HYDIN: variants seen among roughly 807,000 people sequenced by gnomAD.
HYDIN encodes the protein axonemal central pair apparatus protein HYDIN.
HYDIN carries 132 observed loss-of-function variants against 403.9 expected under a neutral mutation model. That is an observed-to-expected ratio of 0.33 (90% CI 0.28 to 0.38). HYDIN has a LOEUF of 0.38. HYDIN is among the 10% of genes least tolerant of loss of function. The pLI, the probability that HYDIN is intolerant of heterozygous loss-of-function variation, is 1.00. For synonymous variants in HYDIN, 1,202 were observed against 1,891.7 expected, an observed-to-expected ratio of 0.64 and a Z score of 9.46; for missense variants, 2,827 against 5,009.5, an observed-to-expected ratio of 0.56 and a Z score of 13.15.
intron 7 of HYDIN, among the ~76,000 whole-genome samples, chr16:71,145,470 G>A (rs1698304701): frequency 6.6e-6 from 1 of 152,100 alleles, no homozygotes; most frequent in Admixed American, 6.5e-5. Flanking sequence ...GGCCAGGATG[G>A]TCTCGATCTT....
intron 1 of HYDIN, among the ~76,000 whole-genome samples, chr16:71,196,982 C>T (rs1391088260): frequency 6.6e-6 from 1 of 152,142 alleles, no homozygotes; most frequent in Non-Finnish European, 1.5e-5. Context: ...TATGGGGTAG[C>T]CATTCTTTAT....
chr16:71,028,672 C>A (rs1353022296), intron 19 of HYDIN, among the ~76,000 whole-genome samples: 1 of 151,436 alleles, frequency 6.6e-6, no homozygotes, highest in Admixed American at 6.6e-5. Context: ...GAGATTTCAT[C>A]CCATCTGTTC....
At chr16:70,936,900 G>A (rs1597366155) in intron 44 of HYDIN, among the ~76,000 whole-genome samples, 1 of 151,588 alleles carries the variant, frequency 6.6e-6, no homozygotes, top group Admixed American at 6.6e-5. Context: ...TCCGAAAGCC[G>A]TGTTCCCCTC....
intron 1 of HYDIN, among the ~76,000 whole-genome samples, chr16:71,210,466 G>A (rs1373832052): frequency 6.6e-6 from 1 of 151,944 alleles, no homozygotes; most frequent in African/African-American, 2.4e-5. Context: ...AGAACACATG[G>A]ACAGAAAGAG....
intron 23 of HYDIN, among the ~76,000 whole-genome samples, chr16:71,012,653 T>C (rs1162719604): frequency 2.0e-5 from 3 of 152,286 alleles, no homozygotes; most frequent in Middle Eastern, 6.8e-3. Flanking sequence ...CTCAGACCTA[T>C]CTAATAAAAG....
At chr16:71,033,126 AAC>A (rs1342228209) in intron 18 of HYDIN, among the ~76,000 whole-genome samples, 6 of 151,592 alleles carry the variant, frequency 4.0e-5, no homozygotes, top group Non-Finnish European at 5.9e-5. Context: ...GAAATACATA[AAC>A]ACCCCGAGGA....
chr16:70,808,476 A>G (rs531617328), intron 85 of HYDIN, among the ~76,000 whole-genome samples: 11 of 152,242 alleles, frequency 7.2e-5, no homozygotes, highest in African/African-American at 2.6e-4. Flanking sequence ...AGAGCCTTTC[A>G]TTGCCAATTT....
At chr16:71,211,872 A>T (rs1296923417) in intron 1 of HYDIN, among the ~76,000 whole-genome samples, 1 of 152,198 alleles carries the variant, frequency 6.6e-6, no homozygotes, top group Non-Finnish European at 1.5e-5. Context: ...GATTACAAAA[A>T]AACCATGATT....
chr16:70,954,531 C>T (rs796308599), intron 40 of HYDIN, among the ~76,000 whole-genome samples: 1 of 151,830 alleles, frequency 6.6e-6, no homozygotes, highest in East Asian at 1.9e-4. Context: ...TTTTCTTCTC[C>T]AGCAAACTTT....
chr16:71,185,288 G>A (rs1356534626), intron 2 of HYDIN, among the ~76,000 whole-genome samples: 2 of 152,146 alleles, frequency 1.3e-5, no homozygotes, highest in East Asian at 1.9e-4. Context: ...ACAGGAACAT[G>A]TCCAAAGAGC....
rs1261041308 is a variant in HYDIN, at chr16:70,809,997, G to A, written c.14669C>T (p.Ser4890Leu). ...AGCTTTCAGGGGCTGAAATTCAAAT[G>A]AGAACGTGCCCTGGAAGAGAAAACA... ...VVPANSEGTF[S>L]FEFQPLKAGE... Residue 4890 changes from serine to leucine, a missense_variant, in exon 85 of 86, where the codon TCA becomes TTA. By Grantham distance (145) the Ser-to-Leu change is moderately radical (BLOSUM62 -2). Transcript: ENST00000393567. 4.3e-6 allele frequency: 7 copies of A among 1,614,136 alleles called. No homozygotes were observed. The highest frequency in any genetic ancestry group is 1.7e-5 in the Admixed American group (1 of 60,026).
chr16:71,035,707 G>A (rs1015391688), intron 18 of HYDIN, among the ~76,000 whole-genome samples: 1 of 152,154 alleles, frequency 6.6e-6, no homozygotes, highest in Non-Finnish European at 1.5e-5. Flanking sequence ...TACAACAGAA[G>A]CTTATTTTGG....
chr16:71,102,715 A>G (rs1034899800), intron 10 of HYDIN, among the ~76,000 whole-genome samples: 17 of 151,456 alleles, frequency 1.1e-4, no homozygotes, highest in African/African-American at 4.1e-4. Flanking sequence ...TCTTCCCACA[A>G]TTTCCCTGAT....
chr16:70,997,189 G>A (rs1413817650), intron 23 of HYDIN, among the ~76,000 whole-genome samples: 3 of 144,208 alleles, frequency 2.1e-5, no homozygotes, highest in African/African-American at 2.6e-5. Context: ...GTAGTAATGC[G>A]AGTGGTGGGG....
At chr16:71,193,723 T>C (rs767884916) in intron 1 of HYDIN, among the ~76,000 whole-genome samples, 3 of 152,228 alleles carry the variant, frequency 2.0e-5, no homozygotes, top group Non-Finnish European at 2.9e-5. Flanking sequence ...TTCCAGATGC[T>C]GCAGGGACGT....
rs2087274062 is a variant in HYDIN at position 71,188,667 on chromosome 16, C to T, written c.-23-1749G>A. Among the ~76,000 whole-genome samples, 4 of 152,190 alleles carry T rather than the reference C, an allele frequency of 2.6e-5. No individual in the cohort carries two copies. The South Asian group carries it at 6.2e-4, about 24-fold the overall frequency. On this transcript the variant is annotated intron_variant, in intron 1 of 85. Transcript: ENST00000393567. ...CAAGGAAAAACAAATACACAAATAA[C>T]AGGAGATTTTAATAAACTACTCTTA... is the stretch of plus-strand genomic sequence containing the variant.
intron 38 of HYDIN, 81 bp downstream of exon 38, chr16:70,961,874 TAGAG>T: frequency 1.0e-6 from 1 of 977,150 alleles, no homozygotes. Context: ...CGAGGAGGCT[TAGAG>T]AAAGTGACAA....
chr16:70,976,612 AG>A (rs2078895118), intron 30 of HYDIN, among the ~76,000 whole-genome samples: 1 of 151,420 alleles, frequency 6.6e-6, no homozygotes, highest in Non-Finnish European at 1.5e-5. Context: ...GTTGTACTAT[AG>A]TTATACGAGA....
chr16:70,809,340 C>G (rs1444032080), intron 85 of HYDIN, among the ~76,000 whole-genome samples: 2 of 152,178 alleles, frequency 1.3e-5, no homozygotes, highest in African/African-American at 4.8e-5. Context: ...ATCCTTATAG[C>G]AATCCTGCAA....
Sources: allele counts gnomAD v4.1 joint callset (sites outside exome capture counted in the v4.1 genomes callset), GRCh38; gene constraint gnomAD v4.1.1; transcripts MANE v1.5; gene names NCBI Gene and HGNC (gene_info 2026-07-23, HGNC 2026-07-21).